CAV2: variants seen among roughly 807,000 people sequenced by gnomAD.
The protein encoded by CAV2 is caveolin 2.
A neutral mutation model predicts 15.5 loss-of-function variants in CAV2; 7 were observed. The observed-to-expected ratio is 0.45, with a 90% CI of 0.26 to 0.85. CAV2 has a LOEUF of 0.85. Ranked by LOEUF, CAV2 falls within the 40% of genes least tolerant of loss-of-function variation. The probability of loss-of-function intolerance (pLI) is 0.18; values close to 1 mark genes in which losing one functional copy is unlikely to be tolerated. For missense variants in CAV2, 229 were observed against 208.8 expected, an observed-to-expected ratio of 1.10 and a Z score of -0.60; for synonymous variants, 76 against 83.1, an observed-to-expected ratio of 0.91 and a Z score of 0.46.
intron 2 of CAV2, 143 bp downstream of exon 2, chr7:116,500,590 G>A: frequency 2.9e-6 from 2 of 696,824 alleles, no homozygotes; most frequent in Non-Finnish European, 4.8e-6. Context: ...AGAACTGGAA[G>A]GCCTTGAAAG....
At position 116,506,085 on chromosome 7, in the gene CAV2, C is replaced by G; in HGVS notation, c.453C>G (p.Cys151Trp). 6.2e-7 allele frequency: 1 copy of G among 1,614,098 alleles called. No homozygotes were observed. Among genetic ancestry groups the G allele is most frequent in the Non-Finnish European group, 8.5e-7 (1 of 1,179,954 alleles). ...CATTGTGTACGAGCGTAGGACGATG[C>G]TTCTCTTCTGTCAGCCTGCAACTGA... ...IAPLCTSVGRCFSSVSLQLSQ... is the reference protein window; with the variant it reads ...IAPLCTSVGRWFSSVSLQLSQ... Residue 151 changes from cysteine to tryptophan, a missense_variant, in exon 3 of 3, where the codon TGC becomes TGG. Cys to Trp is a radical substitution (Grantham distance 215). Coordinates refer to ENST00000222693, the MANE Select transcript of CAV2 (RefSeq NM_001233.5).
rs1351201940 is a variant in CAV2, at chr7:116,506,758, A to G, written c.*637A>G. 6.6e-6 allele frequency: 1 copy of G among 152,246 alleles called. No homozygotes were observed. Among genetic ancestry groups the G allele is most frequent in the East Asian group, 1.9e-4 (1 of 5,204 alleles). The allele number at this position is 152,246 out of a possible 1,614,324, so 9.4% of individuals were successfully genotyped here. ...TTACTGTATATTTTGTAGTTAATATAAATGTTGCTCTAATCAGATTGCTTA... is the reference window on the plus strand; with the variant it reads ...TTACTGTATATTTTGTAGTTAATATGAATGTTGCTCTAATCAGATTGCTTA... On this transcript the variant is annotated 3_prime_UTR_variant, in exon 3 of 3. Coordinates refer to ENST00000222693, the MANE Select transcript of CAV2 (RefSeq NM_001233.5).
intron 2 of CAV2, 89 bp downstream of exon 2, chr7:116,500,536 C>G: frequency 7.5e-7 from 1 of 1,331,722 alleles, no homozygotes; most frequent in African/African-American, 1.5e-5. Flanking sequence ...TATCCCAGGC[C>G]GGCGTCAGGA....
At chr7:116,500,169 T>C in intron 1 of CAV2, 91 bp from the exon 2 acceptor site, 2 of 1,535,318 alleles carry the variant, frequency 1.3e-6, no homozygotes, top group South Asian at 1.3e-5. Flanking sequence ...TGGCACGTCC[T>C]TCCCTCCTGC....
rs1793251635 is a variant in CAV2 at position 116,506,953 on chromosome 7, T to C, written c.*832T>C. 2 of 152,434 alleles carry C rather than the reference T, an allele frequency of 1.3e-5. No individual in the cohort carries two copies. The highest frequency in any genetic ancestry group is 4.8e-5 in the African/African-American group (2 of 41,594). The allele number at this position is 152,434 out of a possible 1,614,324, so 9.4% of individuals were successfully genotyped here. A position where few individuals can be genotyped will look rare whatever the true frequency, so the allele number is the denominator to read the frequency against. On this transcript the variant is annotated 3_prime_UTR_variant, in exon 3 of 3. Transcript: ENST00000222693. The stretch of plus-strand genomic sequence containing the variant: ...GAGCGATACACAAAGCTTTCTTTTC[T>C]AACTTTTCCAAGCAAAATCTAAAAT...
chr7:116,500,124 G>T, intron 1 of CAV2, 136 bp from the exon 2 acceptor site: 3 of 1,478,606 alleles, frequency 2.0e-6, no homozygotes, highest in Non-Finnish European at 2.7e-6. Flanking sequence ...GTTCCTGTGC[G>T]CCCACCGTGA....
At chr7:116,500,135 C>A in intron 1 of CAV2, 125 bp from the exon 2 acceptor site, 1 of 1,496,016 alleles carries the variant, frequency 6.7e-7, no homozygotes, top group South Asian at 1.4e-5. Context: ...CCCACCGTGA[C>A]CCTAAGAGAA....
At chr7:116,501,177 C>G (rs887904181) in intron 2 of CAV2, 1 of 152,200 alleles carries the variant, frequency 6.6e-6, no homozygotes, top group Non-Finnish European at 1.5e-5. Flanking sequence ...TTGAGTAACT[C>G]TATTCATACT....
In CAV2 at chr7:116,500,052, C is replaced by T. The variant is rs1793055622; in HGVS notation, c.150+121C>T. 9 of 1,481,404 alleles carry T rather than the reference C, an allele frequency of 6.1e-6. No individual in the cohort carries two copies. The East Asian group carries it at 1.7e-4, about 28-fold the overall frequency. The allele number at this position is 1,481,404 out of a possible 1,614,324, so 91.8% of individuals were successfully genotyped here. A position where few individuals can be genotyped will look rare whatever the true frequency, so the allele number is the denominator to read the frequency against. On this transcript the variant is annotated intron_variant, in intron 1 of 2. Coordinates refer to ENST00000222693, the MANE Select transcript of CAV2 (RefSeq NM_001233.5). Reference sequence around the variant, plus strand: ...GGTCGGCCCCGCAGGGTCTGAGACCCGCACCCTTCCCCGGTCCCACCCGTC... The same window carrying T: ...GGTCGGCCCCGCAGGGTCTGAGACCTGCACCCTTCCCCGGTCCCACCCGTC...
At chr7:116,504,512 C>A (rs1793186504) in intron 2 of CAV2, among the ~76,000 whole-genome samples, 3 of 152,112 alleles carry the variant, frequency 2.0e-5, no homozygotes, top group Admixed American at 1.3e-4. Flanking sequence ...ATTCTATATT[C>A]TAAAAATATA....
rs918050320 is a variant in CAV2, at chr7:116,506,465, T to C, written c.*344T>C. The stretch of plus-strand genomic sequence containing the variant: ...TTCTATAAAAATACTACAATAGTTT[T>C]ATGCACAACTTCCCATTAAAAATGA... On this transcript the variant is annotated 3_prime_UTR_variant, in exon 3 of 3. Transcript: ENST00000222693. 6.5e-5 allele frequency: 12 copies of C among 184,364 alleles called. No homozygotes were observed. The highest frequency in any genetic ancestry group is 6.1e-5 in the Admixed American group (1 of 16,468). 11.4% of individuals were successfully genotyped at this position (184,364 alleles called of 1,614,324 possible).
At position 116,505,954 on chromosome 7, in the gene CAV2, C is replaced by G; in HGVS notation, c.339-17C>G. On this transcript the variant is annotated splice_polypyrimidine_tract_variant and intron_variant, in intron 2 of 2. Coordinates refer to ENST00000222693, the MANE Select transcript of CAV2 (RefSeq NM_001233.5). Reference sequence around the variant, plus strand: ...TAACAGCAACAATCCTCACACATCTCTCTTCCTTCCTTCCAGGATTTTAAT... The same window carrying G: ...TAACAGCAACAATCCTCACACATCTGTCTTCCTTCCTTCCAGGATTTTAAT... 2 of 1,594,694 alleles carry G rather than the reference C, an allele frequency of 1.3e-6. No individual in the cohort carries two copies. The highest frequency in any genetic ancestry group is 1.7e-6 in the Non-Finnish European group (2 of 1,163,444).
chr7:116,507,896 C>T lies in CAV2; in HGVS notation c.*1775C>T, dbSNP rs76834359. 1 of 151,992 alleles carries T rather than the reference C, an allele frequency of 6.6e-6. No individual in the cohort carries two copies. Among genetic ancestry groups the T allele is most frequent in the African/African-American group, 2.4e-5 (1 of 41,360 alleles). The allele number at this position is 151,992 out of a possible 1,614,324, so 9.4% of individuals were successfully genotyped here. A position where few individuals can be genotyped will look rare whatever the true frequency, so the allele number is the denominator to read the frequency against. On this transcript the variant is annotated 3_prime_UTR_variant, in exon 3 of 3. Coordinates refer to ENST00000222693, the MANE Select transcript of CAV2 (RefSeq NM_001233.5). ...TAAGATTAATAAGATTTTTCAAAAT[C>T]GCCAGGACTGGTGAATATAAATGAT...
Position 116,507,325 on chromosome 7 carries a change from T to C in CAV2, c.*1204T>C, listed in dbSNP as rs1793260318. On this transcript the variant is annotated 3_prime_UTR_variant, in exon 3 of 3. Transcript: ENST00000222693. ...ACAGGATAAAGTTATTCTTGTCATTTTGAACTGTAGAGTCCTATTTCAGTG... is the reference window on the plus strand; with the variant it reads ...ACAGGATAAAGTTATTCTTGTCATTCTGAACTGTAGAGTCCTATTTCAGTG... 6.6e-6 allele frequency: 1 copy of C among 152,214 alleles called. No individual in the cohort carries two copies. Among genetic ancestry groups the C allele is most frequent in the Non-Finnish European group, 1.5e-5 (1 of 68,042 alleles). 9.4% of individuals were successfully genotyped at this position (152,214 alleles called of 1,614,324 possible).
rs1460240867 is a variant in CAV2 at position 116,506,357 on chromosome 7, A to G, written c.*236A>G. The G allele has an allele frequency of 2.3e-6, 1 of 437,138 alleles. No individual in the cohort carries two copies. Among genetic ancestry groups the G allele is most frequent in the East Asian group, 3.5e-5 (1 of 28,806 alleles). 27.1% of individuals were successfully genotyped at this position (437,138 alleles called of 1,614,324 possible). On this transcript the variant is annotated 3_prime_UTR_variant, in exon 3 of 3. Coordinates refer to ENST00000222693, the MANE Select transcript of CAV2 (RefSeq NM_001233.5). Reference sequence around the variant, plus strand: ...CAGAATTATACAGTAAGTTGACACCACTTAGATTTAAAGGCAGACAGTTTT... The same window carrying G: ...CAGAATTATACAGTAAGTTGACACCGCTTAGATTTAAAGGCAGACAGTTTT...
At position 116,508,205 on chromosome 7, in the gene CAV2, A is replaced by T. The variant is rs970538028; in HGVS notation, c.*2084A>T. On this transcript the variant is annotated 3_prime_UTR_variant, in exon 3 of 3. Transcript: ENST00000222693. ...ATTTGGTTATGTTGATAAACCAAAA[A>T]CATTTGATTAATAAAATATCTATTT... The T allele has an allele frequency of 3.9e-5, 6 of 152,232 alleles. No individual in the cohort carries two copies. Among genetic ancestry groups the T allele is most frequent in the African/African-American group, 1.2e-4 (5 of 41,464 alleles). The allele number at this position is 152,232 out of a possible 1,614,324, so 9.4% of individuals were successfully genotyped here. A position where few individuals can be genotyped will look rare whatever the true frequency, so the allele number is the denominator to read the frequency against.
In CAV2 at chr7:116,500,376, G is replaced by A. The variant is rs143606406; in HGVS notation, c.267G>A (p.Thr89=). The A allele has an allele frequency of 6.2e-7, 1 of 1,614,036 alleles. No homozygotes were observed. The highest frequency in any genetic ancestry group is 8.5e-7 in the Non-Finnish European group (1 of 1,180,032). The change falls in exon 2 of 3, where the codon ACG becomes ACA. Residue 89 remains threonine (T), a synonymous_variant. Coordinates refer to ENST00000222693, the MANE Select transcript of CAV2 (RefSeq NM_001233.5). ...AATACGTAATGTACAAGTTCCTGACGGTGTTCCTGGCCATTCCCCTGGCCT... is the reference window on the plus strand; with the variant it reads ...AATACGTAATGTACAAGTTCCTGACAGTGTTCCTGGCCATTCCCCTGGCCT... ...ISKYVMYKFL[T]VFLAIPLAFI...
In CAV2 at chr7:116,505,934, G is replaced by A. The variant is rs1367037926; in HGVS notation, c.339-37G>A. 2.0e-6 allele frequency: 3 copies of A among 1,471,996 alleles called. No homozygotes were observed. In the Admixed American group the frequency reaches 5.1e-5, roughly 25 times the overall value. The allele number at this position is 1,471,996 out of a possible 1,614,324, so 91.2% of individuals were successfully genotyped here. A position where few individuals can be genotyped will look rare whatever the true frequency, so the allele number is the denominator to read the frequency against. ...ACAAGACAGACCTTATTTGGTAACA[G>A]CAACAATCCTCACACATCTCTCTTC... On this transcript the variant is annotated intron_variant, in intron 2 of 2. Transcript: ENST00000222693.
chr7:116,508,315 T>A lies in CAV2; in HGVS notation c.*2194T>A, dbSNP rs565400410. 1.3e-4 allele frequency: 20 copies of A among 152,048 alleles called. No individual in the cohort carries two copies. The highest frequency in any genetic ancestry group is 2.8e-4 in the Non-Finnish European group (19 of 67,960). The allele number at this position is 152,048 out of a possible 1,614,324, so 9.4% of individuals were successfully genotyped here. ...TACACATAGTTCTGTAATAAAACTG[T>A]TTGACTTCTCAAGTAACATGACTTC... is the stretch of plus-strand genomic sequence containing the variant. On this transcript the variant is annotated 3_prime_UTR_variant, in exon 3 of 3. Transcript: ENST00000222693.
Sources: gnomAD v4.1 joint callset for allele counts (sites outside exome capture counted in the v4.1 genomes callset) on GRCh38, gnomAD v4.1.1 for gene constraint, MANE v1.5 for transcripts, NCBI Gene and HGNC (gene_info 2026-07-23, HGNC 2026-07-21) for gene names.